SDHB: variants seen among roughly 807,000 people sequenced by gnomAD.
SDHB encodes the protein succinate dehydrogenase [ubiquinone] iron-sulfur subunit, mitochondrial.
SDHB carries 21 observed loss-of-function variants against 39.7 expected under a neutral mutation model. The observed-to-expected ratio is 0.53, with a 90% CI of 0.37 to 0.76. The LOEUF (loss-of-function observed/expected upper bound fraction) is 0.76. Ranked by LOEUF, SDHB falls within the 30% of genes least tolerant of loss-of-function variation. SDHB has a pLI of 0.00. For missense variants in SDHB, 343 were observed against 350.9 expected, an observed-to-expected ratio of 0.98 and a Z score of 0.18; for synonymous variants, 118 against 117.0, an observed-to-expected ratio of 1.01 and a Z score of -0.06.
chr1:17,038,797 TTTTA>T (rs982668680), intron 2 of SDHB, among the ~76,000 whole-genome samples: 5 of 152,210 alleles, frequency 3.3e-5, no homozygotes, highest in African/African-American at 9.6e-5. Flanking sequence ...TTCCTTATAG[TTTTA>T]TTTATTTATT....
At position 17,042,954 on chromosome 1, in the gene SDHB, GTTTT is replaced by G. The variant is rs143394198; in HGVS notation, c.200+1803_200+1806del. ...AGCAGTAGGGTTTTTTGTTTTATGA[GTTTT>G]TTTTTTTTTTTTTTTTTTTTTGAGA... On this transcript the variant is annotated intron_variant, in intron 2 of 7. Transcript: ENST00000375499. Among the ~76,000 whole-genome samples the G allele has an allele frequency of 1.7e-4, 11 of 62,892 alleles. No homozygotes were observed. The East Asian group carries it at 2.9e-3, about 17-fold the overall frequency. 41.3% of individuals were successfully genotyped at this position (62,892 alleles called of 152,430 possible).
At chr1:17,027,897 G>C (rs2078000677) in intron 4 of SDHB, 32 bp from the exon 5 acceptor site, 1 of 1,296,884 alleles carries the variant, frequency 7.7e-7, no homozygotes, top group African/African-American at 1.5e-5. Context: ...AGAAGAAGAA[G>C]AAGAAAAGGA....
At chr1:17,048,406 G>T (rs1044004121) in intron 1 of SDHB, among the ~76,000 whole-genome samples, 2 of 152,180 alleles carry the variant, frequency 1.3e-5, no homozygotes, top group Non-Finnish European at 2.9e-5. Context: ...GACATTGGGG[G>T]TGTTCTAATT....
chr1:17,052,290 A>G (rs1489477691), intron 1 of SDHB: 2 of 152,260 alleles, frequency 1.3e-5, no homozygotes, highest in African/African-American at 2.4e-5. Context: ...GACTATAAGC[A>G]TAAAAAGAAT....
At chr1:17,049,820 T>C (rs1234942124) in intron 1 of SDHB, among the ~76,000 whole-genome samples, 1 of 151,500 alleles carries the variant, frequency 6.6e-6, no homozygotes, top group African/African-American at 2.4e-5. Flanking sequence ...AACTTTTTTG[T>C]ATTTTTAGTA....
chr1:17,027,546 G>C (rs143650534), intron 5 of SDHB: 1 of 584,138 alleles, frequency 1.7e-6, no homozygotes, highest in African/African-American at 1.8e-5. Context: ...CAGGGCTCTA[G>C]CTCCTTGGTC....
intron 2 of SDHB, among the ~76,000 whole-genome samples, chr1:17,041,570 G>A (rs1394568119): frequency 6.6e-6 from 1 of 152,060 alleles, no homozygotes; most frequent in Non-Finnish European, 1.5e-5. Flanking sequence ...GCTGAGGCAA[G>A]GGAATCGCTT....
rs754582722 is a variant in SDHB at position 17,028,684 on chromosome 1, G to A, written c.339C>T (p.Cys113=). The A allele has an allele frequency of 1.2e-6, 2 of 1,614,166 alleles. No homozygotes were observed. The highest frequency in any genetic ancestry group is 1.1e-5 in the South Asian group (1 of 91,084). ...MNINGGNTLA[C]TRRIDTNLNK... ...TGAGGTTGGTGTCAATCCTTCGGGT[G>A]CAAGCTAGAGTGTTGCCTCCATTGA... The change falls in exon 4 of 8, where the codon TGC becomes TGT. Residue 113 remains cysteine (C), a synonymous_variant. Transcript: ENST00000375499.
At chr1:17,038,478 A>G (rs1222351805) in intron 2 of SDHB, among the ~76,000 whole-genome samples, 4 of 152,220 alleles carry the variant, frequency 2.6e-5, no homozygotes, top group Admixed American at 6.5e-5. Flanking sequence ...GAAATTTTCT[A>G]TGTAAACAAT....
At chr1:17,043,709 G>A (rs2078093565) in intron 2 of SDHB, among the ~76,000 whole-genome samples, 1 of 152,186 alleles carries the variant, frequency 6.6e-6, no homozygotes, top group African/African-American at 2.4e-5. Context: ...GAGATGTGAT[G>A]TGAAGAAGAA....
chr1:17,034,029 C>T (rs1451616341), intron 2 of SDHB, among the ~76,000 whole-genome samples: 1 of 152,202 alleles, frequency 6.6e-6, no homozygotes, highest in Admixed American at 6.5e-5. Context: ...ACAGTAAGTG[C>T]TCCACAAATC....
At chr1:17,041,616 C>A (rs1351815624) in intron 2 of SDHB, among the ~76,000 whole-genome samples, 1 of 151,686 alleles carries the variant, frequency 6.6e-6, no homozygotes, top group Non-Finnish European at 1.5e-5. Flanking sequence ...GAGCCAAGAT[C>A]GCACCACTGT....
At chr1:17,038,998 C>A (rs1231707133) in intron 2 of SDHB, among the ~76,000 whole-genome samples, 1 of 151,864 alleles carries the variant, frequency 6.6e-6, no homozygotes, top group Non-Finnish European at 1.5e-5. Flanking sequence ...TTTTTTCTTG[C>A]GCTTTTTCTT....
intron 2 of SDHB, among the ~76,000 whole-genome samples, chr1:17,042,952 G>A (rs543782790): frequency 2.1e-4 from 17 of 80,510 alleles, no homozygotes; most frequent in South Asian, 4.4e-4. Context: ...TTTGTTTTAT[G>A]AGTTTTTTTT....
At position 17,022,592 on chromosome 1, in the gene SDHB, C is replaced by T. The variant is rs1233279059; in HGVS notation, c.765+16G>A. 1.2e-6 allele frequency: 2 copies of T among 1,613,438 alleles called. No homozygotes were observed. Among genetic ancestry groups the T allele is most frequent in the African/African-American group, 1.3e-5 (1 of 75,032 alleles). ...TCAGCTCTGAGGCAGAGCTGAGGGT[C>T]ACCAGCCCCACGTACCTTAGGACAG... On this transcript the variant is annotated intron_variant, in intron 7 of 7. Transcript: ENST00000375499.
At chr1:17,025,410 CTTT>C (rs35841405) in intron 5 of SDHB, among the ~76,000 whole-genome samples, 55 of 125,940 alleles carry the variant, frequency 4.4e-4, no homozygotes, top group Admixed American at 4.9e-4. Context: ...ATTATAAATT[CTTT>C]TTTTTTTTTT....
intron 6 of SDHB, chr1:17,022,960 C>T (rs1013436300): frequency 3.6e-5 from 18 of 498,954 alleles, no homozygotes; most frequent in African/African-American, 5.8e-5. Context: ...ACCTGGTACC[C>T]GGGTGCTTAA....
chr1:17,033,200 T>C, intron 2 of SDHB, 55 bp from the exon 3 acceptor site: 2 of 1,307,222 alleles, frequency 1.5e-6, no homozygotes, highest in Non-Finnish European at 2.2e-6. Context: ...TCCCTACACT[T>C]TATCATAATA....
At chr1:17,051,572 T>C (rs1408396763) in intron 1 of SDHB, among the ~76,000 whole-genome samples, 1 of 152,188 alleles carries the variant, frequency 6.6e-6, no homozygotes, top group Non-Finnish European at 1.5e-5. Context: ...TTGGTGATGC[T>C]TGAAATCCAA....
Sources: allele counts gnomAD v4.1 joint callset (sites outside exome capture counted in the v4.1 genomes callset), GRCh38; gene constraint gnomAD v4.1.1; transcripts MANE v1.5; gene names NCBI Gene and HGNC (gene_info 2026-07-23, HGNC 2026-07-21).